The following SP3 variants were observed in gnomAD, a reference collection of about 807,000 sequenced individuals.
SP3 encodes Sp3 transcription factor.
A neutral mutation model predicts 70.3 loss-of-function variants in SP3; 10 were observed. That is an observed-to-expected ratio of 0.14 (90% CI 0.09 to 0.24). SP3 has a LOEUF of 0.24. Ranked by LOEUF, SP3 falls within the 10% of genes least tolerant of loss-of-function variation. SP3 has a pLI of 1.00. For synonymous variants in SP3, 402 were observed against 333.5 expected (o/e 1.21, Z -2.24); for missense variants, 825 against 914.6 (o/e 0.90, Z 1.26).
chr2:173,952,726 G>A (rs1690748925), intron 4 of SP3, among the ~76,000 whole-genome samples: 1 of 152,168 alleles, frequency 6.6e-6, no homozygotes, highest in Admixed American at 6.5e-5. Flanking sequence ...CATATATAAA[G>A]AAATGAGGTA....
intron 5 of SP3, among the ~76,000 whole-genome samples, chr2:173,917,264 C>A (rs926016319): frequency 4.6e-5 from 7 of 152,126 alleles, no homozygotes; most frequent in African/African-American, 1.4e-4. Flanking sequence ...AGAAAAGTTA[C>A]TGCCTAGTTA....
chr2:173,912,309 G>A (rs980010296), intron 6 of SP3, among the ~76,000 whole-genome samples: 6 of 152,146 alleles, frequency 3.9e-5, no homozygotes, highest in African/African-American at 7.2e-5. Flanking sequence ...TAGTTTATTC[G>A]CTTAACCTAA....
chr2:173,939,589 C>T (rs1690300946), intron 4 of SP3, among the ~76,000 whole-genome samples: 1 of 151,806 alleles, frequency 6.6e-6, no homozygotes, highest in Admixed American at 6.6e-5. Flanking sequence ...CATGGTGAAA[C>T]ACTGTCTCTA....
chr2:173,902,707 G>A lies in SP3; in HGVS notation c.*7234C>T, dbSNP rs563653355. Among the ~76,000 whole-genome samples, 16 of 152,262 alleles carry A rather than the reference G, an allele frequency of 1.1e-4. No individual in the cohort carries two copies. Among genetic ancestry groups the A allele is most frequent in the Non-Finnish European group, 2.1e-4 (14 of 68,000 alleles). On this transcript the variant is annotated 3_prime_UTR_variant, in exon 7 of 7. Coordinates refer to ENST00000310015, the MANE Select transcript of SP3 (RefSeq NM_003111.5). ...TGAGTGGTAAAACAAGTCCCAGAAG[G>A]TTTTGTACAGAATGATACCATTTAT...
chr2:173,956,242 G>A lies in SP3; in HGVS notation c.280-10C>T, dbSNP rs533365730. 19 of 1,559,226 alleles carry A rather than the reference G, an allele frequency of 1.2e-5. No homozygotes were observed. Among genetic ancestry groups the A allele is most frequent in the Admixed American group, 1.0e-4 (5 of 49,968 alleles). ...AAGCCAAATCACCTGTCTGGATGAA[G>A]AAAACAAAAAGGTGATATATTTGTG... is the stretch of plus-strand genomic sequence containing the variant. On this transcript the variant is annotated splice_polypyrimidine_tract_variant and intron_variant, in intron 3 of 6. Transcript: ENST00000310015.
chr2:173,954,951 G>A lies in SP3; in HGVS notation c.1561C>T (p.Leu521=). 1 of 1,614,178 alleles carries A rather than the reference G, an allele frequency of 6.2e-7. No individual in the cohort carries two copies. Among genetic ancestry groups the A allele is most frequent in the Admixed American group, 1.7e-5 (1 of 60,022 alleles). ...ATAGAGTTCACTGTAACTGTTTGTA[G>A]ATTTGGCAACTGACCAGTGCTTAGA... ...VSLSTGQLPN[L]QTVTVNSIDS... is the part of the protein sequence containing the mutation. The change falls in exon 4 of 7, where the codon CTA becomes TTA. Residue 521 remains leucine (L), a synonymous_variant. Coordinates refer to ENST00000310015, the MANE Select transcript of SP3 (RefSeq NM_003111.5).
In SP3 at chr2:173,906,573, G is replaced by A. The variant is rs768909905; in HGVS notation, c.*3368C>T. ...AATTGTGTAACAGGTAGCATAACAT[G>A]TCAGTTTATATTATTTTAAAACCAA... On this transcript the variant is annotated 3_prime_UTR_variant, in exon 7 of 7. Transcript: ENST00000310015. The A allele has an allele frequency of 2.0e-5, 3 of 152,148 alleles. No homozygotes were observed. The highest frequency in any genetic ancestry group is 2.9e-5 in the Non-Finnish European group (2 of 68,016). 9.4% of individuals were successfully genotyped at this position (152,148 alleles called of 1,614,324 possible). A position where few individuals can be genotyped will look rare whatever the true frequency, so the allele number is the denominator to read the frequency against.
intron 4 of SP3, among the ~76,000 whole-genome samples, chr2:173,930,170 T>C (rs571139735): frequency 6.6e-6 from 1 of 152,334 alleles, no homozygotes; most frequent in African/African-American, 2.4e-5. Context: ...CTTTCAGACA[T>C]TTTAACAATG....
At chr2:173,936,620 T>C (rs1690217869) in intron 4 of SP3, among the ~76,000 whole-genome samples, 1 of 152,192 alleles carries the variant, frequency 6.6e-6, no homozygotes, top group Non-Finnish European at 1.5e-5. Flanking sequence ...TACTAATCAA[T>C]ACAGATGTAT....
chr2:173,946,721 CT>C (rs35419725), intron 4 of SP3, among the ~76,000 whole-genome samples: 5,528 of 129,188 alleles, frequency 0.043, 205 homozygotes, highest in African/African-American at 0.1. Flanking sequence ...AAAGATCTGC[CT>C]TTTTTTTTTT....
intron 4 of SP3, among the ~76,000 whole-genome samples, chr2:173,947,400 G>A (rs1433218473): frequency 2.0e-5 from 3 of 151,278 alleles, no homozygotes; most frequent in African/African-American, 7.3e-5. Flanking sequence ...TTTTCTCCCC[G>A]AAAAACTTTT....
rs977118820 is a variant in SP3, at chr2:173,905,708, T to G, written c.*4233A>C. Reference sequence around the variant, plus strand: ...AAAAAACCTTGTATACCCTTTAGACTCCAGATTTGGCCAAGCGTGGTGGCT... The same window carrying G: ...AAAAAACCTTGTATACCCTTTAGACGCCAGATTTGGCCAAGCGTGGTGGCT... On this transcript the variant is annotated 3_prime_UTR_variant, in exon 7 of 7. Coordinates refer to ENST00000310015, the MANE Select transcript of SP3 (RefSeq NM_003111.5). Among the ~76,000 whole-genome samples the G allele has an allele frequency of 6.6e-6, 1 of 151,552 alleles. No individual in the cohort carries two copies. The highest frequency in any genetic ancestry group is 2.4e-5 in the African/African-American group (1 of 41,218).
At chr2:173,958,076 A>G (rs992237519) in intron 3 of SP3, among the ~76,000 whole-genome samples, 8 of 152,006 alleles carry the variant, frequency 5.3e-5, no homozygotes, top group African/African-American at 1.9e-4. Flanking sequence ...CTAAAATCTA[A>G]CCTTTATCTT....
chr2:173,935,140 G>A (rs866498910), intron 4 of SP3, among the ~76,000 whole-genome samples: 26 of 152,124 alleles, frequency 1.7e-4, no homozygotes, highest in Middle Eastern at 3.2e-3. Context: ...AGGCCGAGGC[G>A]GGAGAACTGA....
chr2:173,959,513 G>A (rs1283204054), intron 3 of SP3, among the ~76,000 whole-genome samples: 2 of 151,954 alleles, frequency 1.3e-5, no homozygotes, highest in African/African-American at 4.8e-5. Flanking sequence ...ATCACTTGAG[G>A]TCAGGAGTTT....
chr2:173,958,668 A>C (rs1450296295), intron 3 of SP3, among the ~76,000 whole-genome samples: 1 of 152,014 alleles, frequency 6.6e-6, no homozygotes, highest in Non-Finnish European at 1.5e-5. Flanking sequence ...TGCAGTTTTA[A>C]AAAAATTTGC....
chr2:173,927,507 A>G (rs973880464), intron 4 of SP3, among the ~76,000 whole-genome samples: 1 of 151,922 alleles, frequency 6.6e-6, no homozygotes, highest in Non-Finnish European at 1.5e-5. Context: ...CGAACTCCTG[A>G]CCTCAGGTGA....
intron 4 of SP3, among the ~76,000 whole-genome samples, chr2:173,952,105 T>TTC (rs1690726239): frequency 6.6e-6 from 1 of 151,874 alleles, no homozygotes; most frequent in Admixed American, 6.6e-5. Context: ...CACTTCATTT[T>TTC]TTTTTTTTTT....
At chr2:173,958,899 G>T (rs1309167131) in intron 3 of SP3, among the ~76,000 whole-genome samples, 1 of 151,944 alleles carries the variant, frequency 6.6e-6, no homozygotes, top group Admixed American at 6.6e-5. Context: ...AGGGGCATAA[G>T]AATCAGAAGA....
Sources: gnomAD v4.1 joint callset for allele counts (sites outside exome capture counted in the v4.1 genomes callset) on GRCh38, gnomAD v4.1.1 for gene constraint, MANE v1.5 for transcripts, NCBI Gene and HGNC (gene_info 2026-07-23, HGNC 2026-07-21) for gene names.